Variants in RERE observed in about 807,000 individuals in gnomAD.
RERE encodes arginine-glutamic acid dipeptide repeats, also known as arginine-glutamic acid dipeptide repeats protein.
Under a neutral mutation model 146.1 loss-of-function variants are expected in RERE, and 40 were observed. The ratio of observed to expected loss-of-function variants is 0.27; its 90% confidence interval spans 0.21 to 0.36. RERE has a LOEUF of 0.36. Ranked by LOEUF, RERE falls within the 10% of genes least tolerant of loss-of-function variation. The pLI is 1.00. For synonymous variants in RERE, 1,003 were observed against 866.0 expected (o/e 1.16, Z -2.78); for missense variants, 1,933 against 2,138.7 (o/e 0.90, Z 1.90).
At position 8,358,392 on chromosome 1, in the gene RERE, C is replaced by T. The variant is rs776600444; in HGVS notation, c.4143G>A (p.Leu1381=). ...LNPLERERLA[L]AGPQLRPEMS... is the part of the protein sequence containing the mutation. ...TCTCGGGCCGCAGCTGGGGGCCCGC[C>T]AGGGCCAGTCTCTCCCTCTCCAAGG... The change falls in exon 20 of 23, where the codon CTG becomes CTA. Residue 1381 remains leucine, a synonymous_variant. Transcript: ENST00000400908. 4 of 1,607,472 alleles carry T rather than the reference C, an allele frequency of 2.5e-6. No individual in the cohort carries two copies. The highest frequency in any genetic ancestry group is 4.5e-5 in the East Asian group (2 of 44,696).
intron 1 of RERE, among the ~76,000 whole-genome samples, chr1:8,682,208 T>A (rs74050271): frequency 0.028 from 4,194 of 152,292 alleles, 177 homozygotes; most frequent in African/African-American, 0.095. Context: ...ACTTGTTCCC[T>A]TCTTTATATT....
intron 12 of RERE, among the ~76,000 whole-genome samples, chr1:8,418,377 C>A (rs1643835103): frequency 6.6e-6 from 1 of 152,330 alleles, no homozygotes; most frequent in South Asian, 2.1e-4. Context: ...CCCCTTTCAC[C>A]TTCCATCTCC....
rs1015665672 is a variant in RERE, at chr1:8,423,436, C to T, written c.1204-629G>A. On this transcript the variant is annotated intron_variant, in intron 11 of 22. Coordinates refer to ENST00000400908, the MANE Select transcript of RERE (RefSeq NM_001042681.2). This position sits in a 1 kb window ranked among gnomAD's most constrained non-coding sequence, Gnocchi z 5.4. ...CTTCCGCCCTCCCGACGCCACTCGC[C>T]GCCCCCATCCATTTTCGCAGCAGAC... 1.7e-5 allele frequency: 11 copies of T among 642,664 alleles called. No homozygotes were observed. Among genetic ancestry groups the T allele is most frequent in the Middle Eastern group, 7.9e-4 (1 of 1,272 alleles). 39.8% of individuals were successfully genotyped at this position (642,664 alleles called of 1,614,324 possible). A position where few individuals can be genotyped will look rare whatever the true frequency, so the allele number is the denominator to read the frequency against.
At chr1:8,624,450 C>G in intron 2 of RERE, 70 bp from the exon 3 acceptor site, 1 of 924,852 alleles carries the variant, frequency 1.1e-6, no homozygotes, top group Non-Finnish European at 1.7e-6. Context: ...GCCCATAAAG[C>G]CACTGCATAA....
chr1:8,705,063 T>G (rs1363680553), intron 1 of RERE, among the ~76,000 whole-genome samples: 2 of 152,226 alleles, frequency 1.3e-5, no homozygotes, highest in Non-Finnish European at 2.9e-5. Context: ...CACTTCCAAT[T>G]TTCTAACCAG....
intron 4 of RERE, among the ~76,000 whole-genome samples, chr1:8,595,158 CAA>C (rs1050957833): frequency 7.1e-4 from 47 of 66,306 alleles, no homozygotes; most frequent in African/African-American, 1.1e-3. Context: ...AGACCGTGTC[CAA>C]AAAAAAAAAA....
intron 10 of RERE, among the ~76,000 whole-genome samples, chr1:8,481,123 T>C (rs1644828443): frequency 6.6e-6 from 1 of 152,146 alleles, no homozygotes; most frequent in South Asian, 2.1e-4. Flanking sequence ...ACCAGACATT[T>C]CTTTCTGTTT....
At chr1:8,741,388 T>A (rs953804050) in intron 1 of RERE, among the ~76,000 whole-genome samples, 1 of 152,202 alleles carries the variant, frequency 6.6e-6, no homozygotes, top group Non-Finnish European at 1.5e-5. Flanking sequence ...GGGGGTGACA[T>A]GGTTAGGCAT....
At chr1:8,363,058 C>T (rs1009405894) in intron 15 of RERE, among the ~76,000 whole-genome samples, 3 of 152,236 alleles carry the variant, frequency 2.0e-5, no homozygotes, top group East Asian at 1.9e-4. Context: ...AGTGGGCTCA[C>T]GCCAGAGGGC....
intron 2 of RERE, among the ~76,000 whole-genome samples, chr1:8,637,271 A>G (rs1020560340): frequency 6.6e-6 from 1 of 152,174 alleles, no homozygotes; most frequent in Non-Finnish European, 1.5e-5. Context: ...CGACTCTACT[A>G]TAAGGTTGCA....
intron 12 of RERE, among the ~76,000 whole-genome samples, chr1:8,372,026 G>C (rs1186544035): frequency 6.6e-6 from 1 of 152,246 alleles, no homozygotes; most frequent in African/African-American, 2.4e-5. Context: ...ATTTCCCACA[G>C]GCAGTGGAAT....
chr1:8,529,551 C>T (rs191625517), intron 7 of RERE, among the ~76,000 whole-genome samples: 385 of 151,912 alleles, frequency 2.5e-3, no homozygotes, highest in African/African-American at 9.0e-3. Flanking sequence ...CCTCCCGCCT[C>T]GGCCTCCCAA....
intron 1 of RERE, among the ~76,000 whole-genome samples, chr1:8,747,279 G>C (rs1157937541): frequency 1.3e-5 from 2 of 152,214 alleles, no homozygotes; most frequent in East Asian, 3.9e-4. Context: ...GGGATTACAG[G>C]CATGAGCCAC....
At chr1:8,613,067 C>A (rs1646811220) in intron 4 of RERE, among the ~76,000 whole-genome samples, 2 of 152,194 alleles carry the variant, frequency 1.3e-5, no homozygotes, top group African/African-American at 4.8e-5. Context: ...TATATCATCT[C>A]TACTGTCTTG....
At chr1:8,429,070 C>T (rs1644057609) in intron 11 of RERE, among the ~76,000 whole-genome samples, 1 of 152,166 alleles carries the variant, frequency 6.6e-6, no homozygotes, top group Non-Finnish European at 1.5e-5. Context: ...GGAAACACCA[C>T]CCTAGAACAA....
chr1:8,778,987 C>T (rs1026550441), intron 1 of RERE, among the ~76,000 whole-genome samples: 1 of 151,878 alleles, frequency 6.6e-6, no homozygotes, highest in Non-Finnish European at 1.5e-5. Context: ...GCTGGGATTA[C>T]AGGCATGTAC....
intron 10 of RERE, among the ~76,000 whole-genome samples, chr1:8,494,638 G>T (rs1645022757): frequency 6.6e-6 from 1 of 152,178 alleles, no homozygotes. Context: ...TAGGAGAACG[G>T]TGTGAAGCCG....
Position 8,492,777 on chromosome 1 carries a change from C to T in RERE, c.1104+2286G>A, listed in dbSNP as rs941525609. ...TTAATTAGTCAAGCATGATGGTGGG[C>T]GTCTATGATATCAGCTACAGCTCTT... On this transcript the variant is annotated intron_variant, in intron 10 of 22. Coordinates refer to ENST00000400908, the MANE Select transcript of RERE (RefSeq NM_001042681.2). 4.6e-5 allele frequency among the ~76,000 whole-genome samples: 7 copies of T among 152,068 alleles called. 1 individual carries two copies. The South Asian group carries it at 8.3e-4, about 18-fold the overall frequency.
intron 1 of RERE, among the ~76,000 whole-genome samples, chr1:8,721,874 G>A (rs1350936352): frequency 6.6e-6 from 1 of 152,104 alleles, no homozygotes; most frequent in Non-Finnish European, 1.5e-5. Flanking sequence ...TGTCTTGACA[G>A]CAGTAACACG....
Sources: gnomAD v4.1 joint callset for allele counts (sites outside exome capture counted in the v4.1 genomes callset) on GRCh38, gnomAD v4.1.1 for gene constraint, Gnocchi (gnomAD v3.1) non-coding constraint, MANE v1.5 for transcripts, NCBI Gene and HGNC (gene_info 2026-07-23, HGNC 2026-07-21) for gene names.